Variants in DCDC1 observed in about 807,000 individuals in gnomAD.
DCDC1 encodes doublecortin domain containing 1.
DCDC1 carries 200 observed loss-of-function variants against 178.3 expected under a neutral mutation model. That is an observed-to-expected ratio of 1.12 (90% confidence interval 1.00 to 1.26). The LOEUF (loss-of-function observed/expected upper bound fraction) is 1.26. Among genes scored for constraint, DCDC1 ranks in the 50% most tolerant of loss-of-function variants. The pLI, the probability that DCDC1 is intolerant of heterozygous loss-of-function variation, is 0.00. For synonymous variants in DCDC1, 690 were observed against 604.8 expected, an observed-to-expected ratio of 1.14 and a Z score of -2.07; for missense variants, 1,983 against 1,749.2, an observed-to-expected ratio of 1.13 and a Z score of -2.38.
chr11:31,262,250 G>C (rs926433306), intron 8 of DCDC1, among the ~76,000 whole-genome samples: 6 of 146,460 alleles, frequency 4.1e-5, no homozygotes, highest in Non-Finnish European at 8.9e-5. Flanking sequence ...CTGGGCAACA[G>C]AGCAAGACCT....
chr11:31,047,382 C>T (rs1161661191), intron 20 of DCDC1, among the ~76,000 whole-genome samples: 3 of 152,016 alleles, frequency 2.0e-5, no homozygotes, highest in Non-Finnish European at 2.9e-5. Flanking sequence ...GTAACTACAA[C>T]AGCCAGATAT....
At chr11:31,082,579 G>C (rs1399475911) in intron 17 of DCDC1, among the ~76,000 whole-genome samples, 3 of 125,548 alleles carry the variant, frequency 2.4e-5, no homozygotes, top group East Asian at 2.1e-4. Flanking sequence ...TATAGATACA[G>C]ATATGATATA....
At position 30,993,211 on chromosome 11, in the gene DCDC1, AT is replaced by A. The variant is rs1951083030; in HGVS notation, c.2592-40644del. Among the ~76,000 whole-genome samples, 6 of 152,246 alleles carry A rather than the reference AT, an allele frequency of 3.9e-5. No individual in the cohort carries two copies. In the South Asian group the frequency reaches 1.0e-3, roughly 26 times the overall value. On this transcript the variant is annotated intron_variant, in intron 20 of 38. Coordinates refer to ENST00000684477, the MANE Select transcript of DCDC1 (RefSeq NM_001387274.1). The stretch of plus-strand genomic sequence containing the variant: ...CCTGGATCAAAGAGGAAGTGTCAAA[AT>A]TTTTAAATATTCTGAAATAAAATAC...
chr11:30,917,666 T>C (rs1182855062), intron 25 of DCDC1, among the ~76,000 whole-genome samples: 1 of 152,194 alleles, frequency 6.6e-6, no homozygotes, highest in Admixed American at 6.5e-5. Context: ...TAGATCTGTA[T>C]ATATAAAGTT....
At chr11:31,272,488 C>G (rs1344542722) in intron 7 of DCDC1, among the ~76,000 whole-genome samples, 2 of 152,200 alleles carry the variant, frequency 1.3e-5, no homozygotes, top group Non-Finnish European at 2.9e-5. Context: ...GTCCCTTCCA[C>G]CTATGAGCCA....
intron 15 of DCDC1, among the ~76,000 whole-genome samples, chr11:31,101,760 T>G (rs1958514735): frequency 7.7e-6 from 1 of 130,288 alleles, no homozygotes; most frequent in African/African-American, 3.1e-5. Flanking sequence ...TTTAAAAAAC[T>G]GTAATATAAT....
intron 9 of DCDC1, among the ~76,000 whole-genome samples, chr11:31,225,379 G>A (rs1470349560): frequency 1.3e-5 from 2 of 149,120 alleles, no homozygotes; most frequent in South Asian, 2.1e-4. Flanking sequence ...GGGAAAGTTG[G>A]GGGGGAGTGA....
chr11:31,083,156 C>A (rs1032305330), intron 17 of DCDC1, among the ~76,000 whole-genome samples: 1 of 152,006 alleles, frequency 6.6e-6, no homozygotes, highest in African/African-American at 2.4e-5. Flanking sequence ...CCATTTTTAG[C>A]AAGACCTAAA....
chr11:31,105,949 A>T (rs559966741), intron 13 of DCDC1, among the ~76,000 whole-genome samples: 105 of 152,304 alleles, frequency 6.9e-4, no homozygotes, highest in African/African-American at 2.5e-3. Flanking sequence ...TTCTACAGAT[A>T]ATAAGCTAAA....
intron 20 of DCDC1, among the ~76,000 whole-genome samples, chr11:31,004,681 C>CAAAA (rs201483189): frequency 5.5e-5 from 4 of 72,496 alleles, no homozygotes; most frequent in African/African-American, 1.0e-4. Flanking sequence ...CACTCTGTCT[C>CAAAA]AAAAAAAAAA....
intron 17 of DCDC1, among the ~76,000 whole-genome samples, chr11:31,089,524 T>C (rs898659961): frequency 3.3e-5 from 5 of 152,118 alleles, no homozygotes; most frequent in African/African-American, 1.2e-4. Context: ...CCAATATTTT[T>C]CTTTTCCTTG....
chr11:31,335,929 A>T (rs1473213610), intron 1 of DCDC1, among the ~76,000 whole-genome samples: 6 of 152,224 alleles, frequency 3.9e-5, no homozygotes, highest in Non-Finnish European at 7.3e-5. Flanking sequence ...GGTAAAAAAA[A>T]ATCCTTTTAC....
intron 21 of DCDC1, among the ~76,000 whole-genome samples, chr11:30,944,529 C>G (rs754620495): frequency 4.6e-5 from 7 of 152,002 alleles, no homozygotes; most frequent in Non-Finnish European, 7.4e-5. Context: ...TTTAACTGTT[C>G]ACTGAAATAG....
intron 8 of DCDC1, among the ~76,000 whole-genome samples, chr11:31,261,431 T>A (rs1189628192): frequency 6.6e-6 from 1 of 152,194 alleles, no homozygotes; most frequent in African/African-American, 2.4e-5. Context: ...CGGCCTTCCA[T>A]CTTATTGGGT....
chr11:30,960,430 T>C (rs945688306), intron 20 of DCDC1, among the ~76,000 whole-genome samples: 1 of 152,162 alleles, frequency 6.6e-6, no homozygotes, highest in African/African-American at 2.4e-5. Context: ...AATAGAACTC[T>C]TAATATTCTG....
At chr11:31,314,436 T>A (rs1241510634) in intron 3 of DCDC1, 1 of 152,118 alleles carries the variant, frequency 6.6e-6, no homozygotes, top group African/African-American at 2.4e-5. Context: ...TAAAATAACA[T>A]CTATTTATGA....
At chr11:31,054,124 G>T (rs551846888) in intron 20 of DCDC1, among the ~76,000 whole-genome samples, 1 of 151,600 alleles carries the variant, frequency 6.6e-6, no homozygotes, top group Admixed American at 6.6e-5. Flanking sequence ...ATTCGGCAAA[G>T]TTTCCAGATA....
chr11:31,132,620 C>CTAT (rs1354557984), intron 10 of DCDC1, among the ~76,000 whole-genome samples: 3 of 151,986 alleles, frequency 2.0e-5, no homozygotes, highest in African/African-American at 2.4e-5. Context: ...ATAATTCAAT[C>CTAT]TATGTGTGTG....
chr11:30,959,333 T>A (rs925659129), intron 20 of DCDC1, among the ~76,000 whole-genome samples: 1 of 152,160 alleles, frequency 6.6e-6, no homozygotes, highest in African/African-American at 2.4e-5. Context: ...AGAGGTAGAC[T>A]GTACTGGGCC....
Sources: gnomAD v4.1 joint callset for allele counts (sites outside exome capture counted in the v4.1 genomes callset) on GRCh38, gnomAD v4.1.1 for gene constraint, MANE v1.5 for transcripts, NCBI Gene and HGNC (gene_info 2026-07-23, HGNC 2026-07-21) for gene names.